The following ASAP1 variants were observed in gnomAD, a reference collection of about 807,000 sequenced individuals.
ASAP1 encodes arf-GAP with SH3 domain, ANK repeat and PH domain-containing protein 1.
A neutral mutation model predicts 145.2 loss-of-function variants in ASAP1; 43 were observed. The ratio of observed to expected loss-of-function variants is 0.30; its 90% CI spans 0.23 to 0.38. The LOEUF (loss-of-function observed/expected upper bound fraction) is 0.38. Among genes scored for constraint, ASAP1 ranks in the 10% least tolerant of loss-of-function variants. ASAP1 has a pLI of 1.00. For synonymous variants in ASAP1, 546 were observed against 515.5 expected, an observed-to-expected ratio of 1.06 and a Z score of -0.80; for missense variants, 1,018 against 1,355.3, an observed-to-expected ratio of 0.75 and a Z score of 3.91.
intron 2 of ASAP1, among the ~76,000 whole-genome samples, chr8:130,394,462 A>T (rs1828431808): frequency 6.6e-6 from 1 of 152,198 alleles, no homozygotes; most frequent in Non-Finnish European, 1.5e-5. Flanking sequence ...GTTATCAATG[A>T]CAATGGTGCC....
At chr8:130,283,583 GAAAGAAAAAAAAAA>G (rs1412672769) in intron 3 of ASAP1, among the ~76,000 whole-genome samples, 8 of 98,754 alleles carry the variant, frequency 8.1e-5, no homozygotes, top group African/African-American at 2.1e-4. Flanking sequence ...CTCCATCACA[GAAAGAAAAAAAAAA>G]AAAAAAAAAA....
intron 4 of ASAP1, among the ~76,000 whole-genome samples, chr8:130,226,043 CTTTT>C (rs200033813): frequency 7.1e-6 from 1 of 140,002 alleles, no homozygotes; most frequent in Non-Finnish European, 1.6e-5. Flanking sequence ...CCATGCTTGG[CTTTT>C]TTTTTTTTTT....
chr8:130,062,369 T>G (rs1301871368), intron 27 of ASAP1, among the ~76,000 whole-genome samples: 1 of 152,260 alleles, frequency 6.6e-6, no homozygotes, highest in Non-Finnish European at 1.5e-5. Flanking sequence ...TTTCTGCTCA[T>G]GACCTGTCTA....
chr8:130,165,574 T>C (rs1348783660), intron 11 of ASAP1, among the ~76,000 whole-genome samples: 1 of 152,222 alleles, frequency 6.6e-6, no homozygotes, highest in Non-Finnish European at 1.5e-5. Flanking sequence ...GAAATTCTTG[T>C]AAATCACAGT....
At chr8:130,288,467 C>CAAATGTTT (rs1821754320) in intron 3 of ASAP1, among the ~76,000 whole-genome samples, 1 of 152,140 alleles carries the variant, frequency 6.6e-6, no homozygotes, top group Non-Finnish European at 1.5e-5. Flanking sequence ...GCGCAGTGTC[C>CAAATGTTT]TACCTGCAGC....
At chr8:130,143,662 G>A (rs568212832) in intron 13 of ASAP1, among the ~76,000 whole-genome samples, 2 of 152,252 alleles carry the variant, frequency 1.3e-5, no homozygotes, top group African/African-American at 4.8e-5. Flanking sequence ...TGTTTAGCTA[G>A]GAAAATCATC....
At position 130,116,670 on chromosome 8, in the gene ASAP1, T is replaced by C. The variant is rs201528417; in HGVS notation, c.2064+8A>G. On this transcript the variant is annotated splice_region_variant and intron_variant, in intron 22 of 29. Transcript: ENST00000518721. ...TCTAATAAATCTCCCACGTCCATTTTTGCTTACCAGATCTTCACACTGGGT... is the reference window on the plus strand; with the variant it reads ...TCTAATAAATCTCCCACGTCCATTTCTGCTTACCAGATCTTCACACTGGGT... The C allele has an allele frequency of 9.2e-5, 148 of 1,613,250 alleles. 1 individual carries two copies. Among genetic ancestry groups the C allele is most frequent in the South Asian group, 1.4e-4 (13 of 91,036 alleles).
intron 1 of ASAP1, among the ~76,000 whole-genome samples, chr8:130,437,405 CT>C (rs1830350408): frequency 6.6e-6 from 1 of 152,198 alleles, no homozygotes; most frequent in South Asian, 2.1e-4. Flanking sequence ...GGCTGCTTTT[CT>C]TACATTATCT....
At chr8:130,312,755 T>G (rs895309395) in intron 3 of ASAP1, among the ~76,000 whole-genome samples, 4 of 152,244 alleles carry the variant, frequency 2.6e-5, no homozygotes, top group Non-Finnish European at 4.4e-5. Flanking sequence ...TCAACCACTG[T>G]AGTAACAAAG....
chr8:130,169,116 GTATT>G (rs1565044173), intron 9 of ASAP1, 49 bp from the exon 10 acceptor site: 6 of 1,154,264 alleles, frequency 5.2e-6, no homozygotes, highest in South Asian at 1.4e-5. Context: ...AAAAAAAAGA[GTATT>G]TGTTTCCTTA....
chr8:130,182,831 CA>C (rs35195899), intron 7 of ASAP1, among the ~76,000 whole-genome samples: 16,543 of 73,578 alleles, frequency 0.22, 1,175 homozygotes, highest in East Asian at 0.42. Flanking sequence ...TATAAAAAGG[CA>C]AAAAAAAAAA....
intron 25 of ASAP1, among the ~76,000 whole-genome samples, chr8:130,080,460 T>A (rs2097476542): frequency 6.8e-6 from 1 of 146,748 alleles, no homozygotes; most frequent in African/African-American, 2.5e-5. Context: ...ACTTACTGAC[T>A]CGTCATTCAT....
intron 1 of ASAP1, among the ~76,000 whole-genome samples, chr8:130,437,768 C>G (rs894771328): frequency 6.6e-6 from 1 of 152,140 alleles, no homozygotes; most frequent in Non-Finnish European, 1.5e-5. Flanking sequence ...TGTCTTGACG[C>G]CCTTCTTCCT....
chr8:130,060,610 G>A lies in ASAP1; in HGVS notation c.3161C>T (p.Thr1054Met), dbSNP rs376556200. Residue 1054 changes from threonine to methionine, a missense_variant, in exon 28 of 30, where the codon ACG becomes ATG. Physicochemically the swap from Thr to Met is moderately conservative, Grantham distance 81 (BLOSUM62 -1). This residue lies in a region of ASAP1 where 62 missense variants were observed against 97.8 expected (regional missense o/e 0.63). Transcript: ENST00000518721. ...SNDLTPTLPE[T>M]PVPLPRKINT... ...GATTTTTCTGGGCAGTGGTACGGGCGTCTCTGGCAGAGTAGGCGTGAGGTC... is the reference window on the plus strand; with the variant it reads ...GATTTTTCTGGGCAGTGGTACGGGCATCTCTGGCAGAGTAGGCGTGAGGTC... 16 of 1,613,774 alleles carry A rather than the reference G, an allele frequency of 9.9e-6. No homozygotes were observed. The African/African-American group carries it at 1.5e-4, about 15-fold the overall frequency.
At chr8:130,210,725 C>G (rs757237983) in intron 5 of ASAP1, among the ~76,000 whole-genome samples, 1 of 152,180 alleles carries the variant, frequency 6.6e-6, no homozygotes. Flanking sequence ...TCTGTAGCCA[C>G]AGGGCTTGAG....
intron 3 of ASAP1, among the ~76,000 whole-genome samples, chr8:130,290,538 T>C (rs1193103630): frequency 6.6e-6 from 1 of 152,172 alleles, no homozygotes; most frequent in Non-Finnish European, 1.5e-5. Flanking sequence ...GGTGCCTGAG[T>C]CTAGCCTAGT....
intron 25 of ASAP1, among the ~76,000 whole-genome samples, chr8:130,080,623 T>C (rs1046357153): frequency 2.0e-5 from 3 of 151,832 alleles, no homozygotes; most frequent in Admixed American, 6.6e-5. Flanking sequence ...TACAGGGGCA[T>C]TCATTCAAAT....
At chr8:130,200,143 A>G (rs1815772787) in intron 5 of ASAP1, among the ~76,000 whole-genome samples, 1 of 152,256 alleles carries the variant, frequency 6.6e-6, no homozygotes, top group South Asian at 2.1e-4. Flanking sequence ...TACAAACTGA[A>G]TTAATGGAGT....
Position 130,304,751 on chromosome 8 carries a change from T to G in ASAP1, c.186+53266A>C, listed in dbSNP as rs528585608. On this transcript the variant is annotated intron_variant, in intron 3 of 29. Coordinates refer to ENST00000518721, the MANE Select transcript of ASAP1 (RefSeq NM_018482.4). Reference sequence around the variant, plus strand: ...CTTAACTGGGCACCCTCTTTCCACCTCATACTCTCACAATCTATTTTCCAG... The same window carrying G: ...CTTAACTGGGCACCCTCTTTCCACCGCATACTCTCACAATCTATTTTCCAG... Among the ~76,000 whole-genome samples, 9 of 152,326 alleles carry G rather than the reference T, an allele frequency of 5.9e-5. No homozygotes were observed. In the East Asian group the frequency reaches 1.7e-3, roughly 29 times the overall value.
Sources: gnomAD v4.1 joint callset for allele counts (sites outside exome capture counted in the v4.1 genomes callset) on GRCh38, gnomAD v4.1.1 for gene constraint, gnomAD v4.1.1 regional missense constraint, MANE v1.5 for transcripts, NCBI Gene and HGNC (gene_info 2026-07-23, HGNC 2026-07-21) for gene names.